Variants in CFAP47 observed in about 807,000 individuals in gnomAD.
CFAP47 encodes cilia and flagella associated protein 47.
Under a neutral mutation model 148.1 loss-of-function variants are expected in CFAP47, and 29 were observed. The ratio of observed to expected loss-of-function variants is 0.20; its 90% CI spans 0.15 to 0.27. The LOEUF (loss-of-function observed/expected upper bound fraction) is 0.27, where lower values mean the gene tolerates loss of function less well. Among genes scored for constraint, CFAP47 ranks in the 10% least tolerant of loss-of-function variants. The pLI, the probability that CFAP47 is intolerant of heterozygous loss-of-function variation, is 1.00. For synonymous variants in CFAP47, 664 were observed against 577.3 expected (o/e 1.15, Z -2.15); for missense variants, 1,872 against 1,697.5 (o/e 1.10, Z -1.81).
intron 49 of CFAP47, among the ~76,000 whole-genome samples, chrX:36,274,570 C>T (rs781825589): frequency 1.9e-4 from 21 of 111,500 alleles, no homozygotes; most frequent in Non-Finnish European, 3.0e-4. Context: ...TTATTTAAGC[C>T]AAGCATATTG....
At chrX:35,953,759 T>C (rs753892422) in intron 7 of CFAP47, 40 bp downstream of exon 7, 1 of 1,033,866 alleles carries the variant, frequency 9.7e-7, no homozygotes, top group South Asian at 2.3e-5. Context: ...TCCGTAGCCA[T>C]TTAAATTGTT....
intron 15 of CFAP47, among the ~76,000 whole-genome samples, chrX:35,980,170 T>A (rs1305827943): frequency 8.9e-6 from 1 of 112,102 alleles, no homozygotes; most frequent in African/African-American, 3.2e-5. Context: ...AGTGTTCTCC[T>A]GTGTTTTTAA....
At chrX:36,287,873 T>C (rs1253356475) in intron 51 of CFAP47, among the ~76,000 whole-genome samples, 6 of 112,152 alleles carry the variant, frequency 5.3e-5, no homozygotes, top group Non-Finnish European at 1.1e-4. Flanking sequence ...GAAACCTTTG[T>C]CCATTATTTG....
At chrX:36,310,641 A>G (rs1556009753) in intron 55 of CFAP47, among the ~76,000 whole-genome samples, 192 bp from the exon 56 acceptor site, 1 of 111,542 alleles carries the variant, frequency 9.0e-6, no homozygotes, top group Non-Finnish European at 1.9e-5. Context: ...GCCTCAAAGT[A>G]AAAATACATA....
intron 3 of CFAP47, among the ~76,000 whole-genome samples, chrX:35,945,301 T>C (rs1936069074): frequency 1.8e-5 from 2 of 111,781 alleles, no homozygotes; most frequent in Non-Finnish European, 3.8e-5. Context: ...TCTGCCCTCT[T>C]CAGTTCTCTT....
At chrX:35,935,150 C>T (rs1935891275) in intron 2 of CFAP47, among the ~76,000 whole-genome samples, 1 of 111,742 alleles carries the variant, frequency 8.9e-6, no homozygotes, top group Non-Finnish European at 1.9e-5. Context: ...CTAGAAGTTG[C>T]AGTCCTTGTG....
chrX:36,172,907 C>A (rs1482920132), intron 39 of CFAP47, among the ~76,000 whole-genome samples: 1 of 110,983 alleles, frequency 9.0e-6, no homozygotes, highest in Non-Finnish European at 1.9e-5. Context: ...TGGTAGAATT[C>A]GGCTGTGAAT....
chrX:36,081,147 A>G (rs972718836), intron 29 of CFAP47, among the ~76,000 whole-genome samples: 21 of 111,478 alleles, frequency 1.9e-4, no homozygotes, highest in Admixed American at 1.6e-3. Context: ...AAGCACAATC[A>G]AAATCACTAA....
intron 40 of CFAP47, among the ~76,000 whole-genome samples, chrX:36,181,478 A>C (rs767468886): frequency 8.9e-6 from 1 of 112,075 alleles, no homozygotes; most frequent in Non-Finnish European, 1.9e-5. Flanking sequence ...CCAATTCAGC[A>C]TGAAATATAG....
chrX:35,994,160 G>T (rs868616366), intron 18 of CFAP47, among the ~76,000 whole-genome samples: 1 of 110,759 alleles, frequency 9.0e-6, no homozygotes, highest in Admixed American at 9.6e-5. Context: ...TACTCGGGAG[G>T]CTGAGGCAGG....
At chrX:36,290,490 A>G (rs1422999347) in intron 51 of CFAP47, among the ~76,000 whole-genome samples, 1 of 111,651 alleles carries the variant, frequency 9.0e-6, no homozygotes. Context: ...TTTCTGGTAA[A>G]CTCAGTCAGC....
intron 29 of CFAP47, among the ~76,000 whole-genome samples, chrX:36,074,336 T>C (rs1937808823): frequency 8.9e-6 from 1 of 111,833 alleles, no homozygotes; most frequent in South Asian, 3.7e-4. Context: ...GTACCTTGCG[T>C]AATTTCACTC....
At chrX:36,069,657 A>C (rs1300678219) in intron 27 of CFAP47, among the ~76,000 whole-genome samples, 5 of 110,957 alleles carry the variant, frequency 4.5e-5, no homozygotes, top group Non-Finnish European at 9.4e-5. Context: ...TAGTCCTCCC[A>C]GAAGTTCTGA....
intron 29 of CFAP47, among the ~76,000 whole-genome samples, chrX:36,079,292 C>T (rs1408209601): frequency 8.9e-6 from 1 of 112,047 alleles, no homozygotes; most frequent in Non-Finnish European, 1.9e-5. Context: ...GTTCCATTCT[C>T]CCCGTCACTT....
chrX:36,343,982 A>G (rs782265968), intron 57 of CFAP47, among the ~76,000 whole-genome samples: 547 of 105,150 alleles, frequency 5.2e-3, no homozygotes, highest in Non-Finnish European at 8.8e-3. Context: ...ATAGTATTCC[A>G]TGGTGTATAT....
chrX:36,263,361 G>T (rs782003674), intron 49 of CFAP47, among the ~76,000 whole-genome samples: 13 of 112,008 alleles, frequency 1.2e-4, no homozygotes, highest in African/African-American at 3.9e-4. Context: ...ATTATTAAAT[G>T]CCTTGAGATA....
At chrX:36,144,958 T>A in intron 35 of CFAP47, 2 of 676,427 alleles carry the variant, frequency 3.0e-6, no homozygotes, top group Non-Finnish European at 4.1e-6. Flanking sequence ...CTGGCTTCCC[T>A]GGGAGCCCCT....
chrX:36,310,504 T>TAA (rs3841264), intron 55 of CFAP47, among the ~76,000 whole-genome samples: 2 of 101,517 alleles, frequency 2.0e-5, no homozygotes. Flanking sequence ...TCAAGTTTGT[T>TAA]AAAAAAAAAA....
Position 36,141,471 on chromosome X carries a change from C to T in CFAP47, c.5535+3007C>T, listed in dbSNP as rs370810340. ...CAGCTGATTGGATGGTGTCTGTCCA[C>T]ATTGAGGGCAGATGTTTCTCTCTCA... is the stretch of plus-strand genomic sequence containing the variant. On this transcript the variant is annotated intron_variant, in intron 35 of 63. Transcript: ENST00000378653. 2.7e-5 allele frequency among the ~76,000 whole-genome samples: 3 copies of T among 111,314 alleles called. No homozygotes were observed. The East Asian group carries it at 8.6e-4, about 32-fold the overall frequency.
Sources: gnomAD v4.1 joint callset for allele counts (sites outside exome capture counted in the v4.1 genomes callset) on GRCh38, gnomAD v4.1.1 for gene constraint, MANE v1.5 for transcripts, NCBI Gene and HGNC (gene_info 2026-07-23, HGNC 2026-07-21) for gene names.